Variants in FBN2 observed in about 807,000 individuals in gnomAD.
FBN2 encodes the protein fibrillin 2, also known as fibrillin-2.
In FBN2, 105 loss-of-function variants were observed where a neutral mutation model predicts 355.6. The observed-to-expected ratio is 0.30, with a 90% CI of 0.25 to 0.35. The LOEUF (loss-of-function observed/expected upper bound fraction) is 0.35. Among genes scored for constraint, FBN2 ranks in the 10% least tolerant of loss-of-function variants. The probability of loss-of-function intolerance (pLI) is 1.00; values close to 1 mark genes in which losing one functional copy is unlikely to be tolerated. For synonymous variants in FBN2, 1,350 were observed against 1,301.2 expected, an observed-to-expected ratio of 1.04 and a Z score of -0.81; for missense variants, 3,280 against 3,758.7, an observed-to-expected ratio of 0.87 and a Z score of 3.33.
chr5:128,412,571 A>AAAC (rs527973993), intron 7 of FBN2, among the ~76,000 whole-genome samples: 217 of 152,176 alleles, frequency 1.4e-3, no homozygotes, highest in South Asian at 5.2e-3. Flanking sequence ...TCCAACTAAT[A>AAAC]AACAACAACA....
chr5:128,276,135 C>A lies in FBN2; in HGVS notation c.7497G>T (p.Pro2499=). 6.2e-7 allele frequency: 1 copy of A among 1,613,724 alleles called. No homozygotes were observed. Among genetic ancestry groups the A allele is most frequent in the Non-Finnish European group, 8.5e-7 (1 of 1,179,742 alleles). The change falls in exon 59 of 65, where the codon CCG becomes CCT. Residue 2499 remains proline, a synonymous_variant. Transcript: ENST00000262464. ...CIDLDECSQS[P]KPCNYICKNT... is the part of the protein sequence containing the mutation. Reference sequence around the variant, plus strand: ...TCTTGCAGATGTAGTTGCATGGTTTCGGGGACTGGGAGCATTCATCAAGGT... The same window carrying A: ...TCTTGCAGATGTAGTTGCATGGTTTAGGGGACTGGGAGCATTCATCAAGGT...
At chr5:128,493,612 C>T (rs557406616) in intron 5 of FBN2, among the ~76,000 whole-genome samples, 1 of 152,180 alleles carries the variant, frequency 6.6e-6, no homozygotes, top group East Asian at 1.9e-4. Context: ...TATATACTAA[C>T]AGGAAATCCA....
chr5:128,353,633 A>G (rs1751426204), intron 20 of FBN2, among the ~76,000 whole-genome samples: 2 of 152,262 alleles, frequency 1.3e-5, no homozygotes, highest in Non-Finnish European at 2.9e-5. Context: ...CATTTTAAGT[A>G]AGATAAACAA....
At position 128,349,359 on chromosome 5, in the gene FBN2, G is replaced by A. The variant is rs752905724; in HGVS notation, c.2977C>T (p.Arg993Cys). ...PEGLTLDGTG[R>C]VCLDIRMEQC... The stretch of plus-strand genomic sequence containing the variant: ...GTGTGAATCTTACCCAAACATACAC[G>A]GCCAGTCCCATCCAACGTAAGGCCT... The change falls in exon 23 of 65, where the codon CGT becomes TGT. Residue 993 changes from arginine to cysteine, a missense_variant. Arg to Cys is a radical substitution (Grantham distance 180). Coordinates refer to ENST00000262464, the MANE Select transcript of FBN2 (RefSeq NM_001999.4). 2 of 1,613,894 alleles carry A rather than the reference G, an allele frequency of 1.2e-6. No homozygotes were observed. The highest frequency in any genetic ancestry group is 2.2e-5 in the East Asian group (1 of 44,866).
Position 128,319,012 on chromosome 5 carries a change from T to A in FBN2, c.4472-11A>T, listed in dbSNP as rs528062851. On this transcript the variant is annotated splice_polypyrimidine_tract_variant and intron_variant, in intron 34 of 64. Coordinates refer to ENST00000262464, the MANE Select transcript of FBN2 (RefSeq NM_001999.4). ...AGCATTCATCAATATCTGAAGATTTTAAAAAAAAGTAATCTCTTATTTAAG... is the reference window on the plus strand; with the variant it reads ...AGCATTCATCAATATCTGAAGATTTAAAAAAAAAGTAATCTCTTATTTAAG... 1.6e-4 allele frequency: 259 copies of A among 1,588,312 alleles called. No individual in the cohort carries two copies. Among genetic ancestry groups the A allele is most frequent in the African/African-American group, 7.0e-4 (52 of 74,498 alleles).
At chr5:128,458,813 AT>A (rs1754478480) in intron 6 of FBN2, among the ~76,000 whole-genome samples, 1 of 152,176 alleles carries the variant, frequency 6.6e-6, no homozygotes, top group African/African-American at 2.4e-5. Flanking sequence ...TAAGAAGGAA[AT>A]TTATAGCACT....
intron 5 of FBN2, among the ~76,000 whole-genome samples, chr5:128,505,211 A>G (rs1755923372): frequency 6.6e-6 from 1 of 152,180 alleles, no homozygotes; most frequent in African/African-American, 2.4e-5. Context: ...AGAACAGACT[A>G]CTACAATGGC....
chr5:128,435,922 T>C (rs766649342), intron 7 of FBN2, among the ~76,000 whole-genome samples: 1 of 152,216 alleles, frequency 6.6e-6, no homozygotes, highest in Non-Finnish European at 1.5e-5. Flanking sequence ...TGTTACCCAC[T>C]GTGCCTCAAA....
intron 48 of FBN2, among the ~76,000 whole-genome samples, chr5:128,297,066 T>G: frequency 6.6e-6 from 1 of 152,172 alleles, no homozygotes; most frequent in Non-Finnish European, 1.5e-5. Flanking sequence ...TCAAATAACA[T>G]CTTTATTTCT....
intron 5 of FBN2, among the ~76,000 whole-genome samples, chr5:128,489,414 T>C (rs1440857324): frequency 1.3e-5 from 2 of 148,418 alleles, no homozygotes; most frequent in Non-Finnish European, 2.9e-5. Context: ...TTTCTTCTTA[T>C]TTGAATTTGT....
chr5:128,339,383 C>A (rs889110611), intron 25 of FBN2, among the ~76,000 whole-genome samples: 8 of 152,076 alleles, frequency 5.3e-5, no homozygotes, highest in Middle Eastern at 3.4e-3. Context: ...TTGGGGAAGC[C>A]CAGGCAGGAC....
chr5:128,262,291 T>A (rs914886395), intron 63 of FBN2, among the ~76,000 whole-genome samples: 4 of 152,158 alleles, frequency 2.6e-5, no homozygotes, highest in African/African-American at 9.7e-5. Context: ...ACTTCTGCCT[T>A]CAAGCGATTC....
At chr5:128,304,870 G>C (rs1749823077) in intron 45 of FBN2, 87 bp downstream of exon 45, 1 of 1,501,866 alleles carries the variant, frequency 6.7e-7, no homozygotes, top group Admixed American at 1.7e-5. Flanking sequence ...CAGAGACATA[G>C]TAGTTACTCA....
intron 5 of FBN2, among the ~76,000 whole-genome samples, chr5:128,490,137 A>G (rs1254798051): frequency 6.6e-6 from 1 of 152,214 alleles, no homozygotes; most frequent in East Asian, 1.9e-4. Context: ...ACATTATACA[A>G]CAAGCATGTA....
intron 31 of FBN2, among the ~76,000 whole-genome samples, chr5:128,334,315 A>G (rs2126894495): frequency 6.6e-6 from 1 of 152,208 alleles, no homozygotes; most frequent in Admixed American, 6.5e-5. Context: ...AATTTTTACT[A>G]GTTTAAAAGA....
intron 32 of FBN2, 105 bp downstream of exon 32, chr5:128,332,807 T>C: frequency 8.7e-7 from 1 of 1,147,830 alleles, no homozygotes; most frequent in African/African-American, 1.5e-5. Context: ...ATAACCTTTT[T>C]ATAAAGGAAT....
chr5:128,447,376 A>C (rs1754095473), intron 6 of FBN2, among the ~76,000 whole-genome samples: 1 of 152,024 alleles, frequency 6.6e-6, no homozygotes, highest in African/African-American at 2.4e-5. Flanking sequence ...TCCTAGGGGG[A>C]GGTCTCTGAA....
intron 5 of FBN2, among the ~76,000 whole-genome samples, chr5:128,499,083 T>C (rs1285195122): frequency 2.0e-5 from 3 of 152,194 alleles, no homozygotes; most frequent in African/African-American, 4.8e-5. Flanking sequence ...ACTTCTTACA[T>C]TGGGATTTAA....
At chr5:128,414,693 T>C (rs1753151043) in intron 7 of FBN2, among the ~76,000 whole-genome samples, 1 of 152,182 alleles carries the variant, frequency 6.6e-6, no homozygotes. Context: ...GTTTAACTTG[T>C]TGAGGAACTG....
Sources: gnomAD v4.1 joint callset for allele counts (sites outside exome capture counted in the v4.1 genomes callset) on GRCh38, gnomAD v4.1.1 for gene constraint, MANE v1.5 for transcripts, NCBI Gene and HGNC (gene_info 2026-07-23, HGNC 2026-07-21) for gene names.